ANKRD17: variants seen among roughly 807,000 people sequenced by gnomAD.
ANKRD17 encodes the protein ankyrin repeat domain-containing protein 17.
In ANKRD17, 19 loss-of-function variants were observed where a neutral mutation model predicts 229.7. That is an observed-to-expected ratio of 0.08 (90% confidence interval 0.06 to 0.12). ANKRD17 has a LOEUF of 0.12. ANKRD17 is among the 10% of genes least tolerant of loss of function. The probability of loss-of-function intolerance (pLI) is 1.00; values close to 1 mark genes in which losing one functional copy is unlikely to be tolerated. For missense variants in ANKRD17, 2,176 were observed against 3,176.8 expected, an observed-to-expected ratio of 0.68 and a Z score of 7.57; for synonymous variants, 1,112 against 1,146.1, an observed-to-expected ratio of 0.97 and a Z score of 0.60.
chr4:73,097,276 TA>T lies in ANKRD17; in HGVS notation c.5022-5del. On this transcript the variant is annotated splice_region_variant and splice_polypyrimidine_tract_variant and intron_variant, in intron 26 of 33. Transcript: ENST00000358602. The stretch of plus-strand genomic sequence containing the variant: ...TTCACTGATAGTTTCTGACAATCTT[TA>T]ACAAAGAGAGGGAAAGTACATTAAA... 1 of 1,568,058 alleles carries T rather than the reference TA, an allele frequency of 6.4e-7. No homozygotes were observed. The highest frequency in any genetic ancestry group is 1.2e-5 in the South Asian group (1 of 81,978).
chr4:73,195,127 A>AT (rs546063849), intron 1 of ANKRD17, among the ~76,000 whole-genome samples: 1 of 151,888 alleles, frequency 6.6e-6, no homozygotes, highest in Admixed American at 6.6e-5. Flanking sequence ...TGTGATTATA[A>AT]TTTTTTTTCT....
chr4:73,078,522 G>T, intron 31 of ANKRD17, 120 bp downstream of exon 31: 1 of 1,234,256 alleles, frequency 8.1e-7, no homozygotes, highest in Non-Finnish European at 1.1e-6. Context: ...TGAGCAACAA[G>T]TGAAACTCCA....
rs1004431762 is a variant in ANKRD17, at chr4:73,137,751, G to T, written c.3085+1780C>A. 3.9e-5 allele frequency among the ~76,000 whole-genome samples: 6 copies of T among 152,182 alleles called. No homozygotes were observed. The East Asian group carries it at 1.2e-3, about 29-fold the overall frequency. On this transcript the variant is annotated intron_variant, in intron 15 of 33. Transcript: ENST00000358602. ...AAAAAGTAAAATATTTTTGTATTAT[G>T]ACAAGCATCTGTCATATTTCCTAAA...
chr4:73,258,762 T>C lies in ANKRD17; in HGVS notation c.-94A>G. The stretch of plus-strand genomic sequence containing the variant: ...GCACTGGGGCCGACACAGCAATCGG[T>C]GCCGCCTCCGCCGCCACCGCCTCGG... On this transcript the variant is annotated 5_prime_UTR_variant, in exon 1 of 34. Transcript: ENST00000358602. 7.6e-7 allele frequency: 1 copy of C among 1,319,594 alleles called. No individual in the cohort carries two copies. Among genetic ancestry groups the C allele is most frequent in the Non-Finnish European group, 9.6e-7 (1 of 1,041,626 alleles). 81.7% of individuals were successfully genotyped at this position (1,319,594 alleles called of 1,614,324 possible).
At chr4:73,239,839 A>T (rs1743848663) in intron 1 of ANKRD17, among the ~76,000 whole-genome samples, 1 of 152,218 alleles carries the variant, frequency 6.6e-6, no homozygotes, top group Non-Finnish European at 1.5e-5. Context: ...TGAAAACTTT[A>T]GACAAGTTTG....
chr4:73,095,905 G>A (rs114996433), intron 27 of ANKRD17, among the ~76,000 whole-genome samples: 3,208 of 152,070 alleles, frequency 0.021, 58 homozygotes, highest in Middle Eastern at 0.075. Context: ...GCCCAGGCTG[G>A]TCTTGAACTC....
intron 30 of ANKRD17, among the ~76,000 whole-genome samples, chr4:73,084,450 GA>G (rs1442117879): frequency 2.6e-5 from 3 of 117,138 alleles, no homozygotes; most frequent in Admixed American, 9.7e-5. Context: ...ATGCAGATGA[GA>G]TTTTTTTTTT....
At chr4:73,229,442 T>C (rs145546507) in intron 1 of ANKRD17, among the ~76,000 whole-genome samples, 149 of 152,306 alleles carry the variant, frequency 9.8e-4, no homozygotes, top group African/African-American at 3.4e-3. Flanking sequence ...AATATTAGTT[T>C]TAAATCATGT....
At chr4:73,149,144 T>C (rs1730662783) in intron 7 of ANKRD17, 94 bp from the exon 8 acceptor site, 2 of 999,770 alleles carry the variant, frequency 2.0e-6, no homozygotes, top group Admixed American at 2.5e-5. Flanking sequence ...ATGAAGTTTA[T>C]CTATCTCCAC....
chr4:73,094,231 G>A lies in ANKRD17; in HGVS notation c.5178-3C>T, dbSNP rs763800697. On this transcript the variant is annotated splice_polypyrimidine_tract_variant and splice_region_variant and intron_variant, in intron 27 of 33. Transcript: ENST00000358602. The stretch of plus-strand genomic sequence containing the variant: ...ATGGAACAGATACTTTCTTTGACCT[G>A]TTTAAAAGTTGTATATATAAATTAA... 6.2e-7 allele frequency: 1 copy of A among 1,610,100 alleles called. No individual in the cohort carries two copies. The highest frequency in any genetic ancestry group is 2.2e-5 in the East Asian group (1 of 44,736).
intron 1 of ANKRD17, among the ~76,000 whole-genome samples, chr4:73,211,949 C>A (rs1440806523): frequency 1.3e-5 from 2 of 150,396 alleles, no homozygotes; most frequent in Non-Finnish European, 3.0e-5. Flanking sequence ...TTAAAAAACA[C>A]AGGAATAAAG....
intron 30 of ANKRD17, 74 bp downstream of exon 30, chr4:73,085,175 G>T: frequency 6.9e-7 from 1 of 1,445,866 alleles, no homozygotes; most frequent in South Asian, 1.2e-5. Context: ...TTAAAATTAT[G>T]ATGAGGTTTG....
Position 73,258,589 on chromosome 4 carries a change from G to A in ANKRD17, c.80C>T (p.Ala27Val), listed in dbSNP as rs1342876870. ...GACCTCCGCCGCCGCGGGGGGGCCCGCCACAGCCGCCACCGCCGGGGGGCT... is the reference window on the plus strand; with the variant it reads ...GACCTCCGCCGCCGCGGGGGGGCCCACCACAGCCGCCACCGCCGGGGGGCT... ...EGSPPAVAAV[A>V]GPPAAAEVGG... The change falls in exon 1 of 34, where the codon GCG becomes GTG. Residue 27 changes from alanine (A) to valine (V), a missense_variant. Around this residue, in one of 18 missense-constraint regions of ANKRD17, gnomAD observed 196 missense variants for 190.0 expected, o/e 1.03. Coordinates refer to ENST00000358602, the MANE Select transcript of ANKRD17 (RefSeq NM_032217.5). 4 of 1,467,528 alleles carry A rather than the reference G, an allele frequency of 2.7e-6. No homozygotes were observed. The highest frequency in any genetic ancestry group is 2.6e-5 in the Admixed American group (1 of 38,636). The allele number at this position is 1,467,528 out of a possible 1,614,324, so 90.9% of individuals were successfully genotyped here.
chr4:73,131,168 T>C (rs1262239548), intron 16 of ANKRD17, among the ~76,000 whole-genome samples: 2 of 152,206 alleles, frequency 1.3e-5, no homozygotes, highest in East Asian at 3.8e-4. Flanking sequence ...TGAAAATACC[T>C]AGACAAATTT....
At chr4:73,142,553 G>A in intron 12 of ANKRD17, 87 bp downstream of exon 12, 1 of 1,597,978 alleles carries the variant, frequency 6.3e-7, no homozygotes, top group Non-Finnish European at 8.5e-7. Flanking sequence ...ATGCCATTAT[G>A]AATGGAACTT....
intron 14 of ANKRD17, among the ~76,000 whole-genome samples, chr4:73,141,503 G>A (rs1047552060): frequency 6.6e-6 from 1 of 152,140 alleles, no homozygotes; most frequent in Non-Finnish European, 1.5e-5. Flanking sequence ...GGAAATCATG[G>A]ATAATCAGAA....
chr4:73,142,221 C>A, intron 13 of ANKRD17, 21 bp downstream of exon 13: 1 of 1,521,872 alleles, frequency 6.6e-7, no homozygotes, highest in South Asian at 1.3e-5. Flanking sequence ...CCATAAAATG[C>A]TTTAATTTTT....
chr4:73,076,533 A>G (rs939861233), intron 33 of ANKRD17, among the ~76,000 whole-genome samples: 1 of 152,234 alleles, frequency 6.6e-6, no homozygotes, highest in Non-Finnish European at 1.5e-5. Flanking sequence ...GTTGTGGAAG[A>G]AAAATAAATC....
intron 24 of ANKRD17, among the ~76,000 whole-genome samples, chr4:73,104,469 C>T (rs973236931): frequency 3.3e-5 from 5 of 152,134 alleles, no homozygotes; most frequent in Non-Finnish European, 7.3e-5. Context: ...GGAGTGAAAG[C>T]AAAGGTGAAA....
Sources: allele counts gnomAD v4.1 joint callset (sites outside exome capture counted in the v4.1 genomes callset), GRCh38; gene constraint gnomAD v4.1.1; regional missense constraint gnomAD v4.1.1; transcripts MANE v1.5; gene names NCBI Gene and HGNC (gene_info 2026-07-23, HGNC 2026-07-21).